The following CYBRD1 variants were observed in gnomAD, a reference collection of about 807,000 sequenced individuals.
The protein encoded by CYBRD1 is cytochrome b reductase 1.
CYBRD1 carries 14 observed loss-of-function variants against 21.9 expected under a neutral mutation model. The ratio of observed to expected loss-of-function variants is 0.64; its 90% CI spans 0.42 to 1.00. CYBRD1 has a LOEUF of 1.00. CYBRD1 is among the 50% of genes least tolerant of loss of function. The pLI is 0.00. For missense variants in CYBRD1, 328 were observed against 352.5 expected, an observed-to-expected ratio of 0.93 and a Z score of 0.56; for synonymous variants, 146 against 136.5, an observed-to-expected ratio of 1.07 and a Z score of -0.48.
intron 1 of CYBRD1, among the ~76,000 whole-genome samples, chr2:171,537,062 A>G (rs997553085): frequency 1.3e-5 from 2 of 152,202 alleles, no homozygotes; most frequent in African/African-American, 2.4e-5. Flanking sequence ...TAATAATTCT[A>G]TCTTCACAGA....
rs200632435 is a variant in CYBRD1, at chr2:171,522,714, G to A, written c.169G>A (p.Gly57Ser). ...CTGGCACCCAGTGCTCATGGTCACC[G>A]GCTTCGTCTTCATCCAGGGCATCGG... ...FNWHPVLMVT[G>S]FVFIQGIAII... The change falls in exon 1 of 4, where the codon GGC becomes AGC. Residue 57 changes from glycine to serine, a missense_variant. Gly to Ser is a moderately conservative substitution (Grantham distance 56). Transcript: ENST00000321348. This position sits in a 1 kb window ranked among gnomAD's most constrained non-coding sequence, Gnocchi z 4.3. 2.0e-5 allele frequency: 32 copies of A among 1,613,416 alleles called. No homozygotes were observed. Among genetic ancestry groups the A allele is most frequent in the African/African-American group, 4.0e-5 (3 of 74,916 alleles).
chr2:171,526,121 G>A (rs1226665405), intron 1 of CYBRD1, among the ~76,000 whole-genome samples: 1 of 152,028 alleles, frequency 6.6e-6, no homozygotes, highest in African/African-American at 2.4e-5. Flanking sequence ...ACGAAAATTA[G>A]CTGGGCGTGG....
At chr2:171,549,034 T>C (rs1697762317) in intron 2 of CYBRD1, among the ~76,000 whole-genome samples, 1 of 152,216 alleles carries the variant, frequency 6.6e-6, no homozygotes, top group African/African-American at 2.4e-5. Context: ...AATAATTAAC[T>C]GAGAAATGCC....
At position 171,553,233 on chromosome 2, in the gene CYBRD1, C is replaced by T. The variant is rs550982499; in HGVS notation, c.403-113C>T. The T allele has an allele frequency of 6.4e-5, 81 of 1,262,534 alleles. No homozygotes were observed. In the African/African-American group the frequency reaches 9.6e-4, roughly 15 times the overall value. The allele number at this position is 1,262,534 out of a possible 1,614,324, so 78.2% of individuals were successfully genotyped here. The stretch of plus-strand genomic sequence containing the variant: ...GAGCGAGGAAACTTCATTTTCTACC[C>T]TTTGGTTCTATATGAAAGGTTTTGT... On this transcript the variant is annotated intron_variant, in intron 2 of 3. Coordinates refer to ENST00000321348, the MANE Select transcript of CYBRD1 (RefSeq NM_024843.4).
At chr2:171,554,183 G>A (rs1206041943) in intron 3 of CYBRD1, among the ~76,000 whole-genome samples, 2 of 152,054 alleles carry the variant, frequency 1.3e-5, no homozygotes, top group East Asian at 1.9e-4. Context: ...GAGTAGCCTC[G>A]GGTCCTTTTG....
intron 1 of CYBRD1, among the ~76,000 whole-genome samples, chr2:171,524,740 T>C (rs1446877424): frequency 6.6e-6 from 1 of 152,116 alleles, no homozygotes; most frequent in Non-Finnish European, 1.5e-5. Flanking sequence ...CTGCCAAATC[T>C]TTTTAGACAG....
intron 1 of CYBRD1, among the ~76,000 whole-genome samples, chr2:171,530,762 C>A (rs1432683216): frequency 6.6e-6 from 1 of 152,212 alleles, no homozygotes; most frequent in African/African-American, 2.4e-5. Flanking sequence ...AAAACAACAT[C>A]TTTGGACCAA....
In CYBRD1 at chr2:171,522,539, G is replaced by A; in HGVS notation, c.-7G>A. 4 of 1,592,330 alleles carry A rather than the reference G, an allele frequency of 2.5e-6. No individual in the cohort carries two copies. Among genetic ancestry groups the A allele is most frequent in the Non-Finnish European group, 3.4e-6 (4 of 1,170,688 alleles). On this transcript the variant is annotated 5_prime_UTR_variant, in exon 1 of 4. Transcript: ENST00000321348. The surrounding 1 kb of genome is among the most constrained non-coding windows in gnomAD (Gnocchi z 4.3). ...GTGGCCCCCGCGGTGCGGAGTATGG[G>A]GCGCTGATGGCCATGGAGGGCTACT... is the stretch of plus-strand genomic sequence containing the variant.
intron 2 of CYBRD1, among the ~76,000 whole-genome samples, chr2:171,546,998 A>G (rs1366662046): frequency 1.3e-5 from 2 of 152,208 alleles, no homozygotes; most frequent in Non-Finnish European, 2.9e-5. Context: ...GAGGAGTAGC[A>G]GTAGCAATGT....
chr2:171,545,608 C>T (rs1019445673), intron 2 of CYBRD1, among the ~76,000 whole-genome samples: 3 of 145,738 alleles, frequency 2.1e-5, no homozygotes, highest in Admixed American at 7.0e-5. Context: ...AGGCTGGTCT[C>T]GAACTCCTGA....
chr2:171,522,327 G>T (rs1697316599), upstream of CYBRD1: 2 of 1,524,698 alleles, frequency 1.3e-6, no homozygotes, highest in East Asian at 2.5e-5. The surrounding 1 kb of genome is among the most constrained non-coding windows in gnomAD (Gnocchi z 4.3). Context: ...CTCGGCGGCC[G>T]CGTGATCCCG....
intron 1 of CYBRD1, among the ~76,000 whole-genome samples, chr2:171,532,153 A>G (rs1697476400): frequency 6.6e-6 from 1 of 152,194 alleles, no homozygotes; most frequent in Non-Finnish European, 1.5e-5. Context: ...TTTCATTTAA[A>G]CTTAAGGTCC....
Position 171,541,695 on chromosome 2 carries a change from G to A in CYBRD1, c.304G>A (p.Val102Met), listed in dbSNP as rs1697634693. 1 of 1,613,740 alleles carries A rather than the reference G, an allele frequency of 6.2e-7. No individual in the cohort carries two copies. The highest frequency in any genetic ancestry group is 1.3e-5 in the African/African-American group (1 of 74,848). The change falls in exon 2 of 4, where the codon GTG becomes ATG. Residue 102 changes from valine to methionine, a missense_variant. Physicochemically the swap from Val to Met is conservative, Grantham distance 21 (BLOSUM62 1). Coordinates refer to ENST00000321348, the MANE Select transcript of CYBRD1 (RefSeq NM_024843.4). ...VAAILAIISV[V>M]AVFENHNVNN... ...TGCCATTCTTGCAATTATCTCTGTG[G>A]TGGCCGTGTTTGAGAACCACAATGT...
intron 1 of CYBRD1, among the ~76,000 whole-genome samples, chr2:171,538,879 C>A (rs1057041975): frequency 3.3e-5 from 5 of 152,042 alleles, no homozygotes; most frequent in African/African-American, 7.2e-5. Flanking sequence ...TTTACTGCAA[C>A]CTCCGCCTCC....
chr2:171,557,158 C>A lies in CYBRD1; in HGVS notation c.*2331C>A, dbSNP rs1409042608. On this transcript the variant is annotated 3_prime_UTR_variant, in exon 4 of 4. Transcript: ENST00000321348. ...ACGTATATAAAATATATCTAGAAAA[C>A]CTTTGTTTGAGACTCTTATTTAATG... is the stretch of plus-strand genomic sequence containing the variant. 1 of 152,356 alleles carries A rather than the reference C, an allele frequency of 6.6e-6. No homozygotes were observed. The highest frequency in any genetic ancestry group is 1.5e-5 in the Non-Finnish European group (1 of 67,980). The allele number at this position is 152,356 out of a possible 1,614,324, so 9.4% of individuals were successfully genotyped here.
chr2:171,533,027 T>C (rs1369407023), intron 1 of CYBRD1, among the ~76,000 whole-genome samples: 1 of 152,036 alleles, frequency 6.6e-6, no homozygotes, highest in African/African-American at 2.4e-5. Flanking sequence ...CTGGCAATAC[T>C]GAATGAACTA....
intron 2 of CYBRD1, among the ~76,000 whole-genome samples, chr2:171,543,113 T>C (rs1307723092): frequency 6.6e-6 from 1 of 152,154 alleles, no homozygotes; most frequent in Non-Finnish European, 1.5e-5. Context: ...TACCACAGAC[T>C]TAATGGCCTG....
chr2:171,535,069 A>G (rs193259049), intron 1 of CYBRD1, among the ~76,000 whole-genome samples: 6 of 152,294 alleles, frequency 3.9e-5, no homozygotes, highest in African/African-American at 1.2e-4. Context: ...AATAAAAATA[A>G]GACATTTTAT....
At chr2:171,535,928 C>A (rs558081404) in intron 1 of CYBRD1, among the ~76,000 whole-genome samples, 21 of 152,264 alleles carry the variant, frequency 1.4e-4, no homozygotes, top group African/African-American at 5.1e-4. Flanking sequence ...GCATGAGCCG[C>A]TGTGCCTGGC....
Sources: gnomAD v4.1 joint callset for allele counts (sites outside exome capture counted in the v4.1 genomes callset) on GRCh38, gnomAD v4.1.1 for gene constraint, Gnocchi (gnomAD v3.1) non-coding constraint, MANE v1.5 for transcripts, NCBI Gene and HGNC (gene_info 2026-07-23, HGNC 2026-07-21) for gene names.